The following SLC45A2 variants were observed in gnomAD, a reference collection of about 807,000 sequenced individuals.
SLC45A2 encodes solute carrier family 45 member 2, also known as membrane-associated transporter protein.
SLC45A2 carries 36 observed loss-of-function variants against 45.5 expected under a neutral mutation model. The ratio of observed to expected loss-of-function variants is 0.79; its 90% CI spans 0.61 to 1.04. The LOEUF is 1.04. Ranked by LOEUF, SLC45A2 falls within the 50% of genes least tolerant of loss-of-function variation. SLC45A2 has a pLI of 0.00. For missense variants in SLC45A2, 719 were observed against 671.0 expected, an observed-to-expected ratio of 1.07 and a Z score of -0.79; for synonymous variants, 306 against 269.3, an observed-to-expected ratio of 1.14 and a Z score of -1.33.
intron 2 of SLC45A2, among the ~76,000 whole-genome samples, chr5:33,967,718 A>T (rs998496750): frequency 4.6e-5 from 7 of 152,004 alleles, no homozygotes; most frequent in African/African-American, 1.5e-4. Flanking sequence ...TTATACTTTT[A>T]TAACCCCTTG....
chr5:33,948,215 G>A (rs1165714245), intron 5 of SLC45A2, among the ~76,000 whole-genome samples: 4 of 152,168 alleles, frequency 2.6e-5, no homozygotes, highest in Admixed American at 6.5e-5. Context: ...ACTTTTAACT[G>A]GGTTCCTCTT....
intron 2 of SLC45A2, among the ~76,000 whole-genome samples, chr5:33,980,211 C>A (rs909716974): frequency 6.6e-6 from 1 of 152,072 alleles, no homozygotes; most frequent in Admixed American, 6.5e-5. Context: ...TCACCGAACC[C>A]CCCTCCTACT....
chr5:33,967,658 G>C (rs1382733635), intron 2 of SLC45A2, among the ~76,000 whole-genome samples: 1 of 152,146 alleles, frequency 6.6e-6, no homozygotes, highest in Non-Finnish European at 1.5e-5. Flanking sequence ...GATATGAATA[G>C]GGTTTTTGTT....
intron 1 of SLC45A2, among the ~76,000 whole-genome samples, chr5:33,983,121 G>T (rs187944849): frequency 6.6e-6 from 1 of 152,296 alleles, no homozygotes; most frequent in East Asian, 1.9e-4. Flanking sequence ...TGATGCTGAG[G>T]GGCAGGTCAG....
At chr5:33,982,469 T>G in intron 1 of SLC45A2, 57 bp from the exon 2 acceptor site, 1 of 1,551,280 alleles carries the variant, frequency 6.4e-7, no homozygotes, top group South Asian at 1.1e-5. Flanking sequence ...ATCCGCGTTT[T>G]GTAATTTCCA....
chr5:33,975,846 T>C (rs1268721654), intron 2 of SLC45A2, among the ~76,000 whole-genome samples: 2 of 152,220 alleles, frequency 1.3e-5, no homozygotes, highest in East Asian at 3.9e-4. Flanking sequence ...CAGATTTGCT[T>C]TCTTCATTTA....
intron 2 of SLC45A2, among the ~76,000 whole-genome samples, chr5:33,977,793 G>A (rs1188450849): frequency 1.3e-5 from 2 of 152,216 alleles, no homozygotes; most frequent in Non-Finnish European, 2.9e-5. Flanking sequence ...GGAGTAATGG[G>A]AAGTAAAGCT....
intron 2 of SLC45A2, among the ~76,000 whole-genome samples, chr5:33,975,345 G>A (rs1271185662): frequency 6.6e-6 from 1 of 152,208 alleles, no homozygotes. Context: ...GCAAGGCAAT[G>A]AATTAGAAGC....
intron 5 of SLC45A2, among the ~76,000 whole-genome samples, chr5:33,950,306 C>G (rs1428053344): frequency 6.6e-6 from 1 of 152,120 alleles, no homozygotes; most frequent in African/African-American, 2.4e-5. Context: ...GTCTAACATT[C>G]TTTTATTCTA....
chr5:33,979,288 C>T (rs909775000), intron 2 of SLC45A2, among the ~76,000 whole-genome samples: 2 of 152,180 alleles, frequency 1.3e-5, no homozygotes, highest in Admixed American at 1.3e-4. Flanking sequence ...CAAAGATTTC[C>T]TGATTGGCAA....
chr5:33,971,633 T>C (rs1752780078), intron 2 of SLC45A2, among the ~76,000 whole-genome samples: 1 of 152,154 alleles, frequency 6.6e-6, no homozygotes, highest in Non-Finnish European at 1.5e-5. Context: ...AATTATTTTT[T>C]ATTTTTTATT....
intron 6 of SLC45A2, among the ~76,000 whole-genome samples, chr5:33,945,336 T>G (rs995131092): frequency 1.3e-5 from 2 of 152,236 alleles, no homozygotes; most frequent in Non-Finnish European, 2.9e-5. Context: ...TTCTTTTCCT[T>G]TCTTAGTGTT....
At chr5:33,960,967 A>C (rs1752437457) in intron 3 of SLC45A2, among the ~76,000 whole-genome samples, 1 of 152,190 alleles carries the variant, frequency 6.6e-6, no homozygotes, top group South Asian at 2.1e-4. Context: ...AAATCTAATT[A>C]AACTTTGATT....
At chr5:33,961,932 G>T (rs998818718) in intron 3 of SLC45A2, among the ~76,000 whole-genome samples, 1 of 152,170 alleles carries the variant, frequency 6.6e-6, no homozygotes, top group Non-Finnish European at 1.5e-5. Flanking sequence ...CCTGAGTGAA[G>T]CTTTCTTGAA....
At chr5:33,973,075 G>T (rs1043200242) in intron 2 of SLC45A2, among the ~76,000 whole-genome samples, 2 of 152,200 alleles carry the variant, frequency 1.3e-5, no homozygotes, top group South Asian at 4.1e-4. Context: ...TGTGATGGGA[G>T]TCAGGGCTGG....
rs78728602 is a variant in SLC45A2 at position 33,973,395 on chromosome 5, G to T, written c.562+8841C>A. 7.4e-3 allele frequency among the ~76,000 whole-genome samples: 1,128 copies of T among 152,308 alleles called. 14 individuals are homozygous for T. Among genetic ancestry groups the T allele is most frequent in the African/African-American group, 0.026 (1,069 of 41,570 alleles). ...TTCCAAGCTGCCTGAATGAGGAGATGTGAAAGTCTACCATGGGTGGAACTT... is the reference window on the plus strand; with the variant it reads ...TTCCAAGCTGCCTGAATGAGGAGATTTGAAAGTCTACCATGGGTGGAACTT... On this transcript the variant is annotated intron_variant, in intron 2 of 6. Transcript: ENST00000296589.
chr5:33,963,621 TAAA>T lies in SLC45A2; in HGVS notation c.888+67_888+69del, dbSNP rs869182948. The T allele has an allele frequency of 1.2e-4, 168 of 1,420,202 alleles. 1 individual carries two copies. The highest frequency in any genetic ancestry group is 1.2e-3 in the African/African-American group (49 of 42,066). The allele number at this position is 1,420,202 out of a possible 1,614,324, so 88.0% of individuals were successfully genotyped here. A position where few individuals can be genotyped will look rare whatever the true frequency, so the allele number is the denominator to read the frequency against. On this transcript the variant is annotated intron_variant, in intron 3 of 6. Transcript: ENST00000296589. ...TCGTCAAACAGACAAAACAAACAAT[TAAA>T]AAAACAACAACAACAACAAAGAGCA... is the stretch of plus-strand genomic sequence containing the variant.
intron 2 of SLC45A2, among the ~76,000 whole-genome samples, chr5:33,965,383 G>C (rs915646327): frequency 2.0e-5 from 3 of 152,102 alleles, no homozygotes; most frequent in East Asian, 3.9e-4. Context: ...TCATATTCTG[G>C]TTAGTTGCAA....
intron 3 of SLC45A2, among the ~76,000 whole-genome samples, chr5:33,961,790 C>T (rs551006192): frequency 2.2e-4 from 33 of 152,298 alleles, no homozygotes; most frequent in African/African-American, 7.7e-4. Flanking sequence ...GTACCTGTTC[C>T]TGCCAAAGTT....
Sources: allele counts gnomAD v4.1 joint callset (sites outside exome capture counted in the v4.1 genomes callset), GRCh38; gene constraint gnomAD v4.1.1; transcripts MANE v1.5; gene names NCBI Gene and HGNC (gene_info 2026-07-23, HGNC 2026-07-21).